The following NELL1 variants were observed in gnomAD, a reference collection of about 807,000 sequenced individuals.
NELL1 encodes the protein protein kinase C-binding protein NELL1.
A neutral mutation model predicts 107.4 loss-of-function variants in NELL1; 76 were observed. The observed-to-expected ratio is 0.71, with a 90% CI of 0.59 to 0.86. The LOEUF is 0.86. NELL1 is among the 40% of genes least tolerant of loss of function. The pLI is 0.00. For synonymous variants in NELL1, 353 were observed against 341.2 expected (o/e 1.03, Z -0.38); for missense variants, 1,024 against 1,005.5 (o/e 1.02, Z -0.25).
chr11:20,832,521 T>A (rs1223652808), intron 3 of NELL1, among the ~76,000 whole-genome samples: 3 of 152,158 alleles, frequency 2.0e-5, no homozygotes, highest in African/African-American at 7.2e-5. Flanking sequence ...TGTAGAGACT[T>A]AATATTTTTG....
intron 14 of NELL1, among the ~76,000 whole-genome samples, chr11:21,340,581 G>A (rs998982811): frequency 7.8e-6 from 1 of 128,500 alleles, no homozygotes; most frequent in African/African-American, 2.9e-5. Flanking sequence ...GGGCATAGTG[G>A]AGTAGGGTAG....
At chr11:21,390,668 T>C (rs995496248) in intron 15 of NELL1, among the ~76,000 whole-genome samples, 4 of 151,882 alleles carry the variant, frequency 2.6e-5, no homozygotes, top group Non-Finnish European at 5.9e-5. Context: ...ATTACTTCTT[T>C]ATTACACAAA....
At chr11:20,760,388 G>A (rs527546618) in intron 2 of NELL1, among the ~76,000 whole-genome samples, 106 of 152,350 alleles carry the variant, frequency 7.0e-4, no homozygotes, top group African/African-American at 2.4e-3. Flanking sequence ...GGATGCCACT[G>A]ATCAGCCAGC....
At chr11:21,102,001 T>C (rs1239806207) in intron 12 of NELL1, among the ~76,000 whole-genome samples, 2 of 152,076 alleles carry the variant, frequency 1.3e-5, no homozygotes, top group Non-Finnish European at 2.9e-5. Context: ...TACAGGTGCT[T>C]GCCACTGTGA....
chr11:21,364,385 T>C (rs1405830320), intron 14 of NELL1, among the ~76,000 whole-genome samples: 3 of 115,198 alleles, frequency 2.6e-5, no homozygotes, highest in Admixed American at 1.3e-4. Context: ...CATTCCAGCC[T>C]GGGAGACACA....
At chr11:21,358,765 T>C (rs1181555620) in intron 14 of NELL1, among the ~76,000 whole-genome samples, 1 of 151,672 alleles carries the variant, frequency 6.6e-6, no homozygotes, top group Non-Finnish European at 1.5e-5. Context: ...GTAAAGGGGA[T>C]TGAGTTCTTG....
rs1284075409 is a variant in NELL1, at chr11:21,213,997, T to C, written c.1427-15335T>C. Among the ~76,000 whole-genome samples the C allele has an allele frequency of 2.6e-5, 4 of 152,120 alleles. No homozygotes were observed. In the East Asian group the frequency reaches 7.7e-4, roughly 29 times the overall value. On this transcript the variant is annotated intron_variant, in intron 13 of 19. Coordinates refer to ENST00000357134, the MANE Select transcript of NELL1 (RefSeq NM_006157.5). ...ATTCATTGTCATGAAAATTAAAACT[T>C]TTGCATTGTGAAAGACTGTGATAGA...
chr11:21,469,171 A>T (rs1854110564), intron 15 of NELL1, among the ~76,000 whole-genome samples: 1 of 152,076 alleles, frequency 6.6e-6, no homozygotes, highest in Admixed American at 6.6e-5. Context: ...CCTACTTTCT[A>T]TGAAAACACA....
At chr11:20,742,747 A>G (rs1439176394) in intron 2 of NELL1, among the ~76,000 whole-genome samples, 1 of 152,140 alleles carries the variant, frequency 6.6e-6, no homozygotes, top group Non-Finnish European at 1.5e-5. Context: ...GGTCCCTCCC[A>G]TGACATGTGG....
intron 15 of NELL1, among the ~76,000 whole-genome samples, chr11:21,470,811 T>A (rs938065396): frequency 2.0e-5 from 3 of 152,100 alleles, no homozygotes; most frequent in African/African-American, 7.2e-5. Context: ...GTTCTAGAGC[T>A]CAGGTCCTGC....
intron 14 of NELL1, among the ~76,000 whole-genome samples, chr11:21,320,117 G>A (rs994862235): frequency 1.3e-5 from 2 of 152,116 alleles, no homozygotes; most frequent in African/African-American, 4.8e-5. Context: ...GAGCCTTGCT[G>A]CCATGTTTCA....
chr11:20,826,280 G>T (rs764670756), intron 3 of NELL1, among the ~76,000 whole-genome samples: 1 of 150,974 alleles, frequency 6.6e-6, no homozygotes, highest in Non-Finnish European at 1.5e-5. Context: ...CTATATTATG[G>T]CCCTCTGCCT....
At chr11:21,364,408 C>A (rs1851163973) in intron 14 of NELL1, among the ~76,000 whole-genome samples, 1 of 43,880 alleles carries the variant, frequency 2.3e-5, no homozygotes, top group Non-Finnish European at 3.7e-5. Context: ...AAGACTCTGT[C>A]TCAAAAAAAA....
intron 14 of NELL1, among the ~76,000 whole-genome samples, chr11:21,310,010 C>T (rs1176903460): frequency 1.3e-5 from 2 of 152,038 alleles, no homozygotes; most frequent in African/African-American, 4.8e-5. Flanking sequence ...ACTTCTTAGT[C>T]TTCACATAAA....
chr11:21,098,324 T>C (rs1472505816), intron 12 of NELL1, among the ~76,000 whole-genome samples: 1 of 152,246 alleles, frequency 6.6e-6, no homozygotes, highest in East Asian at 1.9e-4. Context: ...GACAGTTCCA[T>C]GCATATTTCG....
intron 13 of NELL1, among the ~76,000 whole-genome samples, chr11:21,167,763 CA>C (rs1856517985): frequency 6.6e-6 from 1 of 151,774 alleles, no homozygotes. Context: ...CACATTTGCA[CA>C]AGCTATTCCC....
intron 15 of NELL1, among the ~76,000 whole-genome samples, chr11:21,393,094 C>A (rs1481443500): frequency 1.3e-5 from 2 of 150,822 alleles, no homozygotes; most frequent in African/African-American, 4.9e-5. Context: ...AAAATACGAC[C>A]AATGGAATGT....
At chr11:20,737,135 G>T (rs1378334218) in intron 2 of NELL1, among the ~76,000 whole-genome samples, 1 of 151,848 alleles carries the variant, frequency 6.6e-6, no homozygotes, top group Non-Finnish European at 1.5e-5. Flanking sequence ...TTACTTACCT[G>T]CTCTTATTTT....
At chr11:21,321,295 G>C (rs1850003784) in intron 14 of NELL1, among the ~76,000 whole-genome samples, 1 of 151,936 alleles carries the variant, frequency 6.6e-6, no homozygotes, top group South Asian at 2.1e-4. Flanking sequence ...CAGTAATCCT[G>C]CCAGGAAGAG....
Sources: allele counts gnomAD v4.1 joint callset (sites outside exome capture counted in the v4.1 genomes callset), GRCh38; gene constraint gnomAD v4.1.1; transcripts MANE v1.5; gene names NCBI Gene and HGNC (gene_info 2026-07-23, HGNC 2026-07-21).